The following COL24A1 variants were observed in gnomAD, a reference collection of about 807,000 sequenced individuals.
COL24A1 encodes the protein collagen alpha-1(XXIV) chain.
In COL24A1, 224 loss-of-function variants were observed where a neutral mutation model predicts 253.9. The observed-to-expected ratio is 0.88, with a 90% CI of 0.79 to 0.99. The LOEUF is 0.99. Among genes scored for constraint, COL24A1 ranks in the 50% least tolerant of loss-of-function variants. The pLI is 0.00. For synonymous variants in COL24A1, 685 were observed against 673.7 expected, an observed-to-expected ratio of 1.02 and a Z score of -0.26; for missense variants, 2,131 against 2,068.5, an observed-to-expected ratio of 1.03 and a Z score of -0.59.
At chr1:85,899,652 TA>T (rs1350447807) in intron 28 of COL24A1, among the ~76,000 whole-genome samples, 1 of 152,216 alleles carries the variant, frequency 6.6e-6, no homozygotes, top group Non-Finnish European at 1.5e-5. Context: ...GAATTTTATT[TA>T]AAAAGATTGT....
chr1:86,002,930 A>G (rs1446509941), intron 19 of COL24A1, among the ~76,000 whole-genome samples: 1 of 152,180 alleles, frequency 6.6e-6, no homozygotes, highest in Non-Finnish European at 1.5e-5. Flanking sequence ...ACCAGGTGAC[A>G]CTGTAGGCTG....
At chr1:86,035,560 G>A (rs946724625) in intron 12 of COL24A1, among the ~76,000 whole-genome samples, 24 of 152,060 alleles carry the variant, frequency 1.6e-4, no homozygotes, top group African/African-American at 5.3e-4. Context: ...GGTTGCCTAC[G>A]GCTGGTGATG....
intron 7 of COL24A1, among the ~76,000 whole-genome samples, chr1:86,083,933 T>C (rs1702864580): frequency 6.6e-6 from 1 of 151,684 alleles, no homozygotes; most frequent in Admixed American, 6.6e-5. Context: ...CCTTAGCCAC[T>C]GTTACTGCAT....
chr1:86,035,866 G>C (rs1189207936), intron 12 of COL24A1, among the ~76,000 whole-genome samples: 11 of 152,072 alleles, frequency 7.2e-5, no homozygotes, highest in Non-Finnish European at 1.6e-4. Flanking sequence ...CATCCAGTGG[G>C]AGAAACTGTT....
chr1:85,959,282 T>C (rs1461291825), intron 24 of COL24A1, among the ~76,000 whole-genome samples: 1 of 152,118 alleles, frequency 6.6e-6, no homozygotes, highest in East Asian at 1.9e-4. Flanking sequence ...ATATAGGCAG[T>C]AATTTTTTAA....
At chr1:85,965,562 T>TGAGA (rs377121904) in intron 22 of COL24A1, among the ~76,000 whole-genome samples, 38 of 149,084 alleles carry the variant, frequency 2.5e-4, no homozygotes, top group African/African-American at 8.6e-4. Flanking sequence ...TTGATGACAA[T>TGAGA]GAGAGAGAGA....
intron 3 of COL24A1, among the ~76,000 whole-genome samples, chr1:86,124,625 C>T (rs1265222834): frequency 1.3e-5 from 2 of 151,876 alleles, no homozygotes; most frequent in African/African-American, 4.8e-5. Flanking sequence ...TTTCAGCCTA[C>T]CAGATGAAGA....
chr1:85,744,932 T>C (rs1665049671), intron 56 of COL24A1, 98 bp from the exon 57 acceptor site: 2 of 875,924 alleles, frequency 2.3e-6, no homozygotes, highest in South Asian at 1.7e-5. Flanking sequence ...GTGTAGTAAG[T>C]TGTGAGTAGA....
chr1:85,766,025 A>G (rs1667329663), intron 53 of COL24A1, among the ~76,000 whole-genome samples: 1 of 152,152 alleles, frequency 6.6e-6, no homozygotes, highest in South Asian at 2.1e-4. Flanking sequence ...GTTATCTGCT[A>G]GGTTTCCTTA....
At chr1:86,131,549 C>T (rs905423193) in intron 2 of COL24A1, among the ~76,000 whole-genome samples, 3 of 135,020 alleles carry the variant, frequency 2.2e-5, no homozygotes, top group South Asian at 2.3e-4. Context: ...GTGTGATGTT[C>T]ACCTTCCTGT....
At chr1:85,970,405 T>G in intron 21 of COL24A1, 134 bp from the exon 22 acceptor site, 1 of 894,244 alleles carries the variant, frequency 1.1e-6, no homozygotes, top group Non-Finnish European at 1.6e-6. Context: ...TGTTATTTTC[T>G]TGTACTTTGA....
intron 24 of COL24A1, among the ~76,000 whole-genome samples, chr1:85,917,555 G>GT (rs1233529352): frequency 6.8e-6 from 1 of 146,940 alleles, no homozygotes; most frequent in African/African-American, 2.5e-5. Flanking sequence ...ATTTATTCAT[G>GT]TTTTGGGCTT....
intron 12 of COL24A1, chr1:86,045,702 C>CATTATAAG: frequency 3.4e-6 from 1 of 294,980 alleles, no homozygotes; most frequent in South Asian, 3.5e-5. Context: ...CTGTTATAAC[C>CATTATAAG]ATTATAAGAT....
intron 2 of COL24A1, among the ~76,000 whole-genome samples, chr1:86,139,707 G>T (rs574458107): frequency 6.6e-6 from 1 of 151,922 alleles, no homozygotes; most frequent in African/African-American, 2.4e-5. Context: ...ATTTTCATAT[G>T]TCTTGATCAG....
intron 2 of COL24A1, among the ~76,000 whole-genome samples, chr1:86,135,392 A>T (rs1348051313): frequency 6.6e-6 from 1 of 152,112 alleles, no homozygotes; most frequent in East Asian, 1.9e-4. Context: ...TCCTGTCATT[A>T]TGATGTTAGC....
At chr1:86,102,278 TC>T (rs1330117488) in intron 5 of COL24A1, among the ~76,000 whole-genome samples, 1 of 152,136 alleles carries the variant, frequency 6.6e-6, no homozygotes, top group Admixed American at 6.5e-5. Flanking sequence ...TCTTTTCTCT[TC>T]CTTTTTATTA....
At chr1:86,042,996 C>T (rs982729809) in intron 12 of COL24A1, among the ~76,000 whole-genome samples, 1 of 152,090 alleles carries the variant, frequency 6.6e-6, no homozygotes, top group African/African-American at 2.4e-5. Context: ...AAGACCTGAA[C>T]TCAGATTTTG....
rs550987402 is a variant in COL24A1, at chr1:86,094,003, C to T, written c.1600-1683G>A. Among the ~76,000 whole-genome samples the T allele has an allele frequency of 9.9e-5, 15 of 151,998 alleles. No individual in the cohort carries two copies. In the South Asian group the frequency reaches 2.5e-3, roughly 25 times the overall value. On this transcript the variant is annotated intron_variant, in intron 5 of 59. Transcript: ENST00000370571. Reference sequence around the variant, plus strand: ...GTCAAAAAATAACAGATGCTGGTGACGTTGCGGAGAAAAAGAAATGCTTAT... The same window carrying T: ...GTCAAAAAATAACAGATGCTGGTGATGTTGCGGAGAAAAAGAAATGCTTAT...
intron 7 of COL24A1, among the ~76,000 whole-genome samples, chr1:86,086,578 A>G (rs1703080504): frequency 1.3e-5 from 2 of 152,152 alleles, no homozygotes; most frequent in Admixed American, 6.5e-5. Flanking sequence ...ATTCATATGA[A>G]TAAGTCTTTC....
Sources: gnomAD v4.1 joint callset for allele counts (sites outside exome capture counted in the v4.1 genomes callset) on GRCh38, gnomAD v4.1.1 for gene constraint, MANE v1.5 for transcripts, NCBI Gene and HGNC (gene_info 2026-07-23, HGNC 2026-07-21) for gene names.